Variants in LUC7L2 observed in about 807,000 individuals in gnomAD.
LUC7L2 encodes the protein LUC7 like 2, pre-mRNA splicing factor, also known as putative RNA-binding protein Luc7-like 2.
A neutral mutation model predicts 52.8 loss-of-function variants in LUC7L2; 25 were observed. The observed-to-expected ratio is 0.47, with a 90% CI of 0.34 to 0.66. The LOEUF (loss-of-function observed/expected upper bound fraction) is 0.66, where lower values mean the gene tolerates loss of function less well. Ranked by LOEUF, LUC7L2 falls within the 30% of genes least tolerant of loss-of-function variation. LUC7L2 has a pLI of 0.01. For synonymous variants in LUC7L2, 144 were observed against 160.9 expected (o/e 0.89, Z 0.80); for missense variants, 328 against 497.8 (o/e 0.66, Z 3.25).
intron 1 of LUC7L2, chr7:139,371,242 C>T: frequency 3.3e-6 from 2 of 611,880 alleles, no homozygotes; most frequent in South Asian, 2.0e-5. Context: ...GTACAAAATA[C>T]TGATTGTTTT....
chr7:139,341,077 T>C (rs954872962), intron 1 of LUC7L2: 34 of 268,898 alleles, frequency 1.3e-4, no homozygotes, highest in Non-Finnish European at 1.9e-4. Context: ...GACTCAGCGG[T>C]TGGTCGGCTA....
At chr7:139,383,677 A>G (rs1255744767) in intron 2 of LUC7L2, among the ~76,000 whole-genome samples, 1 of 150,676 alleles carries the variant, frequency 6.6e-6, no homozygotes, top group African/African-American at 2.4e-5. Context: ...CGGCCTTCCA[A>G]AGTGCTGGGA....
chr7:139,415,685 G>A (rs1358769983), intron 8 of LUC7L2, among the ~76,000 whole-genome samples: 1 of 150,960 alleles, frequency 6.6e-6, no homozygotes, highest in African/African-American at 2.4e-5. Context: ...TGTAGATACG[G>A]GGTCTCCCTA....
intron 8 of LUC7L2, chr7:139,416,509 C>T (rs1795628603): frequency 6.6e-6 from 1 of 152,002 alleles, no homozygotes; most frequent in African/African-American, 2.4e-5. Flanking sequence ...GTTCTTTCTC[C>T]CAAACTGTTT....
chr7:139,345,337 A>G (rs546224339), intron 1 of LUC7L2, among the ~76,000 whole-genome samples: 39 of 152,324 alleles, frequency 2.6e-4, no homozygotes, highest in African/African-American at 8.9e-4. Flanking sequence ...TAATAACTAT[A>G]GAGTGCCTCT....
chr7:139,359,787 G>C (rs10225910), upstream of LUC7L2: 6 of 400,094 alleles, frequency 1.5e-5, no homozygotes, highest in Admixed American at 4.4e-5. Context: ...CACGCGCCCA[G>C]AGCCGTTAGG....
At chr7:139,415,076 T>G (rs1235808781) in intron 8 of LUC7L2, among the ~76,000 whole-genome samples, 6 of 147,416 alleles carry the variant, frequency 4.1e-5, no homozygotes, top group African/African-American at 1.5e-4. Context: ...TTTTTTTTTT[T>G]TTTTTTTGTA....
chr7:139,407,668 A>G (rs1795182795), intron 6 of LUC7L2, among the ~76,000 whole-genome samples: 1 of 151,894 alleles, frequency 6.6e-6, no homozygotes, highest in African/African-American at 2.4e-5. Flanking sequence ...GTCAATAAGA[A>G]TGTAATAATA....
chr7:139,412,518 A>T (rs781637338), intron 7 of LUC7L2, 33 bp from the exon 8 acceptor site: 1 of 1,578,198 alleles, frequency 6.3e-7, no homozygotes, highest in Non-Finnish European at 8.6e-7. Context: ...ATTTATAGCC[A>T]CTTTTCTAAA....
chr7:139,419,587 A>G (rs1186060521), intron 9 of LUC7L2, among the ~76,000 whole-genome samples: 1 of 152,228 alleles, frequency 6.6e-6, no homozygotes, highest in Admixed American at 6.5e-5. Context: ...CCTGTGTCAA[A>G]TCTGCCCAAC....
chr7:139,405,833 A>T, intron 5 of LUC7L2, 46 bp downstream of exon 5: 1 of 1,537,698 alleles, frequency 6.5e-7, no homozygotes, highest in Non-Finnish European at 8.7e-7. Flanking sequence ...ATTTGGTAAG[A>T]CTACAAATAA....
intron 1 of LUC7L2, among the ~76,000 whole-genome samples, chr7:139,368,300 G>GA (rs1325359707): frequency 2.6e-5 from 4 of 152,152 alleles, no homozygotes; most frequent in Non-Finnish European, 5.9e-5. Flanking sequence ...AATTACACTT[G>GA]AATGTTTATT....
At chr7:139,357,610 T>C (rs1412843492), upstream of LUC7L2, among the ~76,000 whole-genome samples, 1 of 152,130 alleles carries the variant, frequency 6.6e-6, no homozygotes, top group African/African-American at 2.4e-5. Context: ...GATATCCTAG[T>C]ATTTGGAGTT....
intron 2 of LUC7L2, among the ~76,000 whole-genome samples, chr7:139,381,280 A>G (rs1292082186): frequency 6.6e-6 from 1 of 152,206 alleles, no homozygotes; most frequent in East Asian, 1.9e-4. Context: ...TTTCTGAAAC[A>G]TCCTTGGAGG....
At chr7:139,417,203 G>C (rs1795660582) in intron 8 of LUC7L2, 2 of 195,024 alleles carry the variant, frequency 1.0e-5, no homozygotes, top group African/African-American at 4.7e-5. Flanking sequence ...TCTGTGTCCA[G>C]CTAATTTTTG....
chr7:139,374,464 G>T, intron 1 of LUC7L2: 1 of 1,550,748 alleles, frequency 6.4e-7, no homozygotes, highest in Non-Finnish European at 8.7e-7. Flanking sequence ...CCCCGCATTC[G>T]CCAAGCCGTG....
intron 1 of LUC7L2, among the ~76,000 whole-genome samples, chr7:139,368,424 T>A (rs969468523): frequency 1.3e-5 from 2 of 152,226 alleles, no homozygotes; most frequent in Non-Finnish European, 2.9e-5. Flanking sequence ...TTATTTCGTA[T>A]ATTTCTGTCA....
chr7:139,376,695 T>C (rs1156757138), intron 2 of LUC7L2, among the ~76,000 whole-genome samples: 2 of 152,208 alleles, frequency 1.3e-5, no homozygotes, highest in Non-Finnish European at 1.5e-5. Context: ...ATCATCGTTT[T>C]AATTTGGAAG....
chr7:139,343,355 G>C (rs985648978), intron 1 of LUC7L2, among the ~76,000 whole-genome samples: 1 of 152,180 alleles, frequency 6.6e-6, no homozygotes, highest in African/African-American at 2.4e-5. Context: ...ATGATCTGCA[G>C]ATCCTAAAAC....
Sources: allele counts gnomAD v4.1 joint callset (sites outside exome capture counted in the v4.1 genomes callset), GRCh38; gene constraint gnomAD v4.1.1; transcripts MANE v1.5; gene names NCBI Gene and HGNC (gene_info 2026-07-23, HGNC 2026-07-21).